RAE1: variants seen among roughly 807,000 people sequenced by gnomAD.
The protein encoded by RAE1 is ribonucleic acid export 1, also known as mRNA export factor RAE1.
A neutral mutation model predicts 52.7 loss-of-function variants in RAE1; 13 were observed. The ratio of observed to expected loss-of-function variants is 0.25; its 90% CI spans 0.16 to 0.39. The LOEUF (loss-of-function observed/expected upper bound fraction) is 0.39. Among genes scored for constraint, RAE1 ranks in the 10% least tolerant of loss-of-function variants. RAE1 has a pLI of 1.00. For synonymous variants in RAE1, 164 were observed against 153.1 expected, an observed-to-expected ratio of 1.07 and a Z score of -0.52; for missense variants, 262 against 459.8, an observed-to-expected ratio of 0.57 and a Z score of 3.93.
chr20:57,361,103 A>AAAGG, intron 4 of RAE1, among the ~76,000 whole-genome samples: 1 of 152,296 alleles, frequency 6.6e-6, no homozygotes, highest in Non-Finnish European at 1.5e-5. Flanking sequence ...AGAAAGAAAG[A>AAAGG]AAGAAAGAAA....
Position 57,378,285 on chromosome 20 carries a change from C to T in RAE1, c.*186C>T. On this transcript the variant is annotated 3_prime_UTR_variant, in exon 12 of 12. Transcript: ENST00000395841. ...GCGGCGACTTGCCGTCTCTCCATTCCACTGCCTGTTGCAGAGTTTTTCTGT... is the reference window on the plus strand; with the variant it reads ...GCGGCGACTTGCCGTCTCTCCATTCTACTGCCTGTTGCAGAGTTTTTCTGT... 1 of 550,606 alleles carries T rather than the reference C, an allele frequency of 1.8e-6. No individual in the cohort carries two copies. The highest frequency in any genetic ancestry group is 3.2e-5 in the Admixed American group (1 of 31,600). The allele number at this position is 550,606 out of a possible 1,614,324, so 34.1% of individuals were successfully genotyped here.
chr20:57,357,165 G>A (rs77354807), intron 4 of RAE1, among the ~76,000 whole-genome samples: 6,998 of 152,226 alleles, frequency 0.046, 231 homozygotes, highest in Non-Finnish European at 0.07. Context: ...AACCTTTTTG[G>A]TATACAGCTC....
chr20:57,355,019 T>C (rs1408692784), intron 3 of RAE1, among the ~76,000 whole-genome samples: 2 of 152,222 alleles, frequency 1.3e-5, no homozygotes, highest in Non-Finnish European at 2.9e-5. Context: ...CACAATCATA[T>C]GTGTTGCTCG....
chr20:57,374,437 G>C (rs772572689), intron 10 of RAE1, among the ~76,000 whole-genome samples, 170 bp from the exon 11 acceptor site: 5 of 152,182 alleles, frequency 3.3e-5, no homozygotes, highest in Non-Finnish European at 7.4e-5. Flanking sequence ...GTTCTGGGCT[G>C]GCATTTGATG....
At chr20:57,361,785 T>G (rs1466169588) in intron 4 of RAE1, among the ~76,000 whole-genome samples, 1 of 152,186 alleles carries the variant, frequency 6.6e-6, no homozygotes, top group Non-Finnish European at 1.5e-5. Context: ...TCAAGATGTC[T>G]TATTTAAAGG....
At chr20:57,358,868 T>A in intron 4 of RAE1, 1 of 1,029,092 alleles carries the variant, frequency 9.7e-7, no homozygotes, top group Non-Finnish European at 1.3e-6. Context: ...ACCAAAATTT[T>A]TAATGCAGGG....
intron 11 of RAE1, among the ~76,000 whole-genome samples, chr20:57,377,715 T>A (rs1023184748): frequency 2.6e-5 from 4 of 152,204 alleles, no homozygotes; most frequent in African/African-American, 9.7e-5. Context: ...GCAGTTATCC[T>A]GGCGTTAAAG....
intron 4 of RAE1, 40 bp from the exon 5 acceptor site, chr20:57,365,316 A>G: frequency 6.9e-7 from 1 of 1,454,854 alleles, no homozygotes; most frequent in Non-Finnish European, 9.6e-7. Context: ...TAAAGATTTA[A>G]TTTTTCTTAA....
At chr20:57,374,489 G>A in intron 10 of RAE1, 118 bp from the exon 11 acceptor site, 3 of 940,182 alleles carry the variant, frequency 3.2e-6, no homozygotes, top group East Asian at 2.4e-5. Context: ...GCGGGCAGCA[G>A]CTGGAAGGAA....
At chr20:57,355,082 A>T (rs1212013800) in intron 3 of RAE1, among the ~76,000 whole-genome samples, 1 of 152,224 alleles carries the variant, frequency 6.6e-6, no homozygotes, top group Non-Finnish European at 1.5e-5. Context: ...ATCAAATATC[A>T]TATTCATCCA....
At chr20:57,366,677 A>G (rs2066958851) in intron 5 of RAE1, 130 bp from the exon 6 acceptor site, 5 of 810,510 alleles carry the variant, frequency 6.2e-6, no homozygotes, top group Non-Finnish European at 1.0e-5. Context: ...AATGCTAAGT[A>G]TGTTTTGGTT....
At chr20:57,351,908 G>A in intron 1 of RAE1, 3 of 985,524 alleles carry the variant, frequency 3.0e-6, no homozygotes, top group Non-Finnish European at 3.6e-6. Context: ...CGTACAGGCA[G>A]TACTTCTCCA....
In RAE1 at chr20:57,354,011, AC is replaced by A; in HGVS notation, c.-7-20del. 6.3e-7 allele frequency: 1 copy of A among 1,597,894 alleles called. No homozygotes were observed. The highest frequency in any genetic ancestry group is 1.1e-5 in the South Asian group (1 of 90,216). ...GATATTAAGAGAAAACCCATCCTTA[AC>A]ATTTTTCATTACTTTTTAGGTTCAA... On this transcript the variant is annotated intron_variant, in intron 1 of 11. Transcript: ENST00000395841.
intron 8 of RAE1, among the ~76,000 whole-genome samples, chr20:57,370,346 C>T (rs188109127): frequency 6.6e-6 from 1 of 152,226 alleles, no homozygotes; most frequent in Non-Finnish European, 1.5e-5. Flanking sequence ...AAACATTTCC[C>T]CTGGCTGCTG....
At chr20:57,363,047 T>C (rs2089916001) in intron 4 of RAE1, among the ~76,000 whole-genome samples, 1 of 152,150 alleles carries the variant, frequency 6.6e-6, no homozygotes, top group African/African-American at 2.4e-5. Context: ...CTCCCCAAGT[T>C]CTGGGATTAT....
chr20:57,373,196 G>C, intron 8 of RAE1: 2 of 434,188 alleles, frequency 4.6e-6, no homozygotes, highest in South Asian at 4.9e-5. Context: ...CGCAGCCCAT[G>C]GGGCTCTGCT....
chr20:57,373,409 C>T (rs2067064794), intron 8 of RAE1, 66 bp from the exon 9 acceptor site: 4 of 1,491,642 alleles, frequency 2.7e-6, no homozygotes, highest in Non-Finnish European at 2.8e-6. Context: ...AAATGACTTA[C>T]CTTCACGTTA....
rs1229823686 is a variant in RAE1 at position 57,378,778 on chromosome 20, G to A, written c.*679G>A. ...ATGGGGACTGTTACTTGTGCTGGGT[G>A]ACAGGCCATTTGTGGGTAACCTCCT... On this transcript the variant is annotated 3_prime_UTR_variant, in exon 12 of 12. Transcript: ENST00000395841. 4 of 152,246 alleles carry A rather than the reference G, an allele frequency of 2.6e-5. No individual in the cohort carries two copies. The highest frequency in any genetic ancestry group is 6.5e-5 in the Admixed American group (1 of 15,286). 9.4% of individuals were successfully genotyped at this position (152,246 alleles called of 1,614,324 possible).
chr20:57,355,302 T>C (rs1311239207), intron 3 of RAE1, among the ~76,000 whole-genome samples: 2 of 152,176 alleles, frequency 1.3e-5, no homozygotes, highest in Non-Finnish European at 1.5e-5. Flanking sequence ...GCAAAGGGTG[T>C]AAAGAGGGAC....
Sources: gnomAD v4.1 joint callset for allele counts (sites outside exome capture counted in the v4.1 genomes callset) on GRCh38, gnomAD v4.1.1 for gene constraint, MANE v1.5 for transcripts, NCBI Gene and HGNC (gene_info 2026-07-23, HGNC 2026-07-21) for gene names.